TRABD2A: variants seen among roughly 807,000 people sequenced by gnomAD.
The protein encoded by TRABD2A is TraB domain containing 2A.
In TRABD2A, 43 loss-of-function variants were observed where a neutral mutation model predicts 45.6. The observed-to-expected ratio is 0.94, with a 90% CI of 0.74 to 1.22. The LOEUF (loss-of-function observed/expected upper bound fraction) is 1.22. TRABD2A is among the 50% of genes most tolerant of loss of function. The probability of loss-of-function intolerance (pLI) is 0.00; values close to 1 mark genes in which losing one functional copy is unlikely to be tolerated. For missense variants in TRABD2A, 642 were observed against 652.4 expected (o/e 0.98, Z 0.17); for synonymous variants, 269 against 265.0 (o/e 1.02, Z -0.15).
chr2:84,827,037 A>G (rs1681170715), intron 5 of TRABD2A, among the ~76,000 whole-genome samples: 1 of 152,148 alleles, frequency 6.6e-6, no homozygotes, highest in South Asian at 2.1e-4. Flanking sequence ...TTCTGTCTCA[A>G]ATAGAAAATC....
intron 4 of TRABD2A, chr2:84,835,810 T>G (rs1030725129): frequency 1.3e-5 from 2 of 152,210 alleles, no homozygotes; most frequent in African/African-American, 2.4e-5. Context: ...TAGCCTACAC[T>G]ACTTTCCTCC....
chr2:84,836,144 C>CA (rs1295730148), intron 4 of TRABD2A: 1 of 152,204 alleles, frequency 6.6e-6, no homozygotes, highest in Non-Finnish European at 1.5e-5. Flanking sequence ...GACCCAGACT[C>CA]AGACATGATA....
At chr2:84,864,994 ACCACAGGGCT>A (rs1682629572) in intron 2 of TRABD2A, among the ~76,000 whole-genome samples, 1 of 152,144 alleles carries the variant, frequency 6.6e-6, no homozygotes. Flanking sequence ...CCTCAGTCAG[ACCACAGGGCT>A]CCTGGGGAGT....
intron 2 of TRABD2A, among the ~76,000 whole-genome samples, chr2:84,848,334 A>ATAGG (rs1681969002): frequency 1.5e-5 from 1 of 68,378 alleles, no homozygotes; most frequent in South Asian, 4.4e-4. Context: ...AAAATGATAG[A>ATAGG]TAGATAGATA....
chr2:84,863,956 T>C (rs1434999654), intron 2 of TRABD2A, among the ~76,000 whole-genome samples: 2 of 152,070 alleles, frequency 1.3e-5, no homozygotes, highest in Non-Finnish European at 2.9e-5. Context: ...TTCAACCAAC[T>C]TCCAAATCGA....
rs79927944 is a variant in TRABD2A, at chr2:84,846,607, C to A, written c.670-4600G>T. Among the ~76,000 whole-genome samples, 530 of 152,340 alleles carry A rather than the reference C, an allele frequency of 3.5e-3. 4 individuals carry two copies. The highest frequency in any genetic ancestry group is 0.012 in the African/African-American group (483 of 41,564). On this transcript the variant is annotated intron_variant, in intron 2 of 6. Transcript: ENST00000409520. ...CCAAAGAGACGCAGTCAATGAAAGT[C>A]AGAGGAAGGCTCCATGATGAGCCTC...
intron 5 of TRABD2A, 78 bp downstream of exon 5, chr2:84,831,977 T>G (rs745767737): frequency 2.0e-6 from 3 of 1,471,260 alleles, no homozygotes; most frequent in African/African-American, 1.4e-5. Flanking sequence ...CTCCTCAAGA[T>G]AGCAGCCCAC....
rs1257313185 is a variant in TRABD2A at position 84,870,224 on chromosome 2, C to A, written c.669+1G>T. The A allele has an allele frequency of 6.2e-7, 1 of 1,604,776 alleles. No individual in the cohort carries two copies. The highest frequency in any genetic ancestry group is 2.2e-5 in the East Asian group (1 of 44,688). The stretch of plus-strand genomic sequence containing the variant: ...AGTCTTTTATGCAAAGAGAGTCTTA[C>A]CTGTGAAAAGTTCAACCCATTCAAT... On this transcript the variant is annotated splice_donor_variant, in intron 2 of 6. Coordinates refer to ENST00000409520, the MANE Select transcript of TRABD2A (RefSeq NM_001277053.2). LOFTEE classifies it high-confidence loss of function.
Position 84,870,793 on chromosome 2 carries a change from G to C in TRABD2A, c.109-8C>G. Reference sequence around the variant, plus strand: ...GGAATTCAGCTCGCTTTGCTGAAAAGAAAAGAGGTAACATCAAGGTATAAT... The same window carrying C: ...GGAATTCAGCTCGCTTTGCTGAAAACAAAAGAGGTAACATCAAGGTATAAT... On this transcript the variant is annotated splice_region_variant and splice_polypyrimidine_tract_variant and intron_variant, in intron 1 of 6. Coordinates refer to ENST00000409520, the MANE Select transcript of TRABD2A (RefSeq NM_001277053.2). 6.4e-7 allele frequency: 1 copy of C among 1,560,744 alleles called. No individual in the cohort carries two copies. Among genetic ancestry groups the C allele is most frequent in the East Asian group, 2.4e-5 (1 of 42,494 alleles).
intron 2 of TRABD2A, among the ~76,000 whole-genome samples, chr2:84,857,151 C>T (rs1342607368): frequency 6.6e-6 from 1 of 152,196 alleles, no homozygotes; most frequent in East Asian, 1.9e-4. Flanking sequence ...GCCACCTAGG[C>T]TGTGGTATTC....
At chr2:84,824,783 C>T (rs955146195) in intron 5 of TRABD2A, among the ~76,000 whole-genome samples, 1 of 152,104 alleles carries the variant, frequency 6.6e-6, no homozygotes, top group Middle Eastern at 3.2e-3. Context: ...TAGCTCTTAA[C>T]CCTCTTAACA....
Position 84,861,978 on chromosome 2 carries a change from G to A in TRABD2A, c.669+8247C>T, listed in dbSNP as rs76489493. ...GAGCCTCGTGGAAGAGTTCAGGGAGGTACACAAAAAGTGTCAGGAGGGACA... is the reference window on the plus strand; with the variant it reads ...GAGCCTCGTGGAAGAGTTCAGGGAGATACACAAAAAGTGTCAGGAGGGACA... On this transcript the variant is annotated intron_variant, in intron 2 of 6. Transcript: ENST00000409520. Among the ~76,000 whole-genome samples the A allele has an allele frequency of 6.2e-3, 950 of 152,246 alleles. 14 individuals carry two copies. Among genetic ancestry groups the A allele is most frequent in the African/African-American group, 0.022 (909 of 41,528 alleles).
chr2:84,868,184 C>A (rs556418657), intron 2 of TRABD2A, among the ~76,000 whole-genome samples: 1 of 152,154 alleles, frequency 6.6e-6, no homozygotes, highest in Non-Finnish European at 1.5e-5. Flanking sequence ...TGGAACCAAC[C>A]GAAATTGTCC....
At chr2:84,866,732 T>A (rs1363645039) in intron 2 of TRABD2A, among the ~76,000 whole-genome samples, 1 of 151,944 alleles carries the variant, frequency 6.6e-6, no homozygotes, top group Non-Finnish European at 1.5e-5. Flanking sequence ...GCAAGTATTA[T>A]TATCCCCATT....
intron 6 of TRABD2A, 127 bp from the exon 7 acceptor site, chr2:84,822,227 T>C (rs138028349): frequency 1.7e-4 from 124 of 739,712 alleles, no homozygotes; most frequent in South Asian, 1.0e-3. Flanking sequence ...GGTATTAGTA[T>C]ATTAATAGGC....
At chr2:84,834,412 T>C (rs1045235736) in intron 4 of TRABD2A, 2 of 152,242 alleles carry the variant, frequency 1.3e-5, no homozygotes, top group Admixed American at 1.3e-4. Context: ...TATATTTCTA[T>C]AACAGTTTTA....
chr2:84,878,442 T>C (rs1683103040), intron 1 of TRABD2A, among the ~76,000 whole-genome samples: 3 of 151,754 alleles, frequency 2.0e-5, no homozygotes, highest in Admixed American at 6.6e-5. Flanking sequence ...GGAGAATCAC[T>C]TGAACCCTGG....
intron 2 of TRABD2A, among the ~76,000 whole-genome samples, chr2:84,862,411 G>A (rs1033545562): frequency 6.6e-6 from 1 of 152,188 alleles, no homozygotes; most frequent in Non-Finnish European, 1.5e-5. Flanking sequence ...TTTCAAAGGA[G>A]CTCTCTACTG....
At chr2:84,836,777 A>G (rs1681526849) in intron 4 of TRABD2A, 1 of 151,834 alleles carries the variant, frequency 6.6e-6, no homozygotes, top group Admixed American at 6.6e-5. Context: ...CAATCAACCT[A>G]TCTTCATGTA....
Sources: allele counts gnomAD v4.1 joint callset (sites outside exome capture counted in the v4.1 genomes callset), GRCh38; gene constraint gnomAD v4.1.1; transcripts MANE v1.5; gene names NCBI Gene and HGNC (gene_info 2026-07-23, HGNC 2026-07-21).